EPC1: variants seen among roughly 807,000 people sequenced by gnomAD.
EPC1 encodes enhancer of polycomb homolog 1.
A neutral mutation model predicts 98.4 loss-of-function variants in EPC1; 12 were observed. That is an observed-to-expected ratio of 0.12 (90% CI 0.08 to 0.20). The LOEUF (loss-of-function observed/expected upper bound fraction) is 0.20. Ranked by LOEUF, EPC1 falls within the 10% of genes least tolerant of loss-of-function variation. The pLI is 1.00. For missense variants in EPC1, 729 were observed against 990.5 expected, an observed-to-expected ratio of 0.74 and a Z score of 3.54; for synonymous variants, 357 against 363.9, an observed-to-expected ratio of 0.98 and a Z score of 0.21.
chr10:32,334,808 A>G (rs1312462424), intron 1 of EPC1, among the ~76,000 whole-genome samples: 3 of 152,156 alleles, frequency 2.0e-5, no homozygotes, highest in East Asian at 1.9e-4. Context: ...TTTTTAATTA[A>G]TATCAACAGC....
intron 11 of EPC1, chr10:32,272,957 A>C (rs1835910473): frequency 2.8e-6 from 4 of 1,427,948 alleles, no homozygotes; most frequent in African/African-American, 2.8e-5. Context: ...CATTTAACTA[A>C]GTGCTTTAGT....
At chr10:32,290,505 A>AAAAAAAAAAAGAAAG (rs1554819136) in intron 6 of EPC1, among the ~76,000 whole-genome samples, 10 of 77,476 alleles carry the variant, frequency 1.3e-4, no homozygotes, top group African/African-American at 5.5e-4. Flanking sequence ...AAAAAAAAAA[A>AAAAAAAAAAAGAAAG]AAAGAAAGAA....
chr10:32,298,383 C>T (rs1410400489), intron 2 of EPC1, among the ~76,000 whole-genome samples: 2 of 152,120 alleles, frequency 1.3e-5, no homozygotes, highest in Admixed American at 1.3e-4. Flanking sequence ...TGAAACAGCA[C>T]ACAATGTGGA....
At chr10:32,279,165 T>C (rs917343605) in intron 10 of EPC1, among the ~76,000 whole-genome samples, 1 of 151,968 alleles carries the variant, frequency 6.6e-6, no homozygotes, top group Non-Finnish European at 1.5e-5. Context: ...CTGGCCAATA[T>C]GGTGAAACCC....
chr10:32,294,931 C>T (rs1214427372), intron 2 of EPC1, among the ~76,000 whole-genome samples: 2 of 152,056 alleles, frequency 1.3e-5, no homozygotes, highest in Admixed American at 6.6e-5. Flanking sequence ...CAGGCCTTTA[C>T]AAAAATCCCT....
At chr10:32,292,361 AC>A (rs1227026683) in intron 5 of EPC1, 134 bp downstream of exon 5, 8 of 600,744 alleles carry the variant, frequency 1.3e-5, no homozygotes, top group African/African-American at 9.7e-5. Flanking sequence ...AAAGTATCAT[AC>A]CACATATTTA....
intron 10 of EPC1, among the ~76,000 whole-genome samples, chr10:32,275,714 G>A (rs1456498642): frequency 6.6e-6 from 1 of 151,940 alleles, no homozygotes; most frequent in Middle Eastern, 3.2e-3. Context: ...GGCGAAGCTT[G>A]CAGTGAGCCG....
At chr10:32,344,907 T>C (rs1217943961) in intron 1 of EPC1, among the ~76,000 whole-genome samples, 3 of 152,208 alleles carry the variant, frequency 2.0e-5, no homozygotes, top group African/African-American at 7.2e-5. Flanking sequence ...CTTGGGACTG[T>C]CCAAAGTATT....
chr10:32,358,599 C>G (rs1462105526), intron 1 of EPC1, among the ~76,000 whole-genome samples: 1 of 137,914 alleles, frequency 7.3e-6, no homozygotes, highest in Non-Finnish European at 1.5e-5. Flanking sequence ...GGACTGTGAT[C>G]GCGTCACTGC....
At chr10:32,343,713 CT>C (rs1428819967) in intron 1 of EPC1, among the ~76,000 whole-genome samples, 2 of 143,926 alleles carry the variant, frequency 1.4e-5, no homozygotes, top group African/African-American at 5.3e-5. Flanking sequence ...GGTGTAAGGG[CT>C]TCTACTTAAA....
At chr10:32,350,059 G>C (rs1370850792), upstream of EPC1, among the ~76,000 whole-genome samples, 2 of 152,122 alleles carry the variant, frequency 1.3e-5, no homozygotes, top group Non-Finnish European at 2.9e-5. Flanking sequence ...ATTCTTTTCT[G>C]TTCTCAACTT....
intron 1 of EPC1, among the ~76,000 whole-genome samples, chr10:32,330,262 A>G (rs188098542): frequency 2.8e-4 from 43 of 152,334 alleles, no homozygotes; most frequent in African/African-American, 9.9e-4. Context: ...AATACCTTGA[A>G]TTATGGAAGT....
intron 2 of EPC1, among the ~76,000 whole-genome samples, chr10:32,296,667 G>C (rs1271703295): frequency 6.6e-6 from 1 of 152,132 alleles, no homozygotes; most frequent in African/African-American, 2.4e-5. Context: ...CCAGCACTTT[G>C]GGAGGCCAAG....
At chr10:32,280,320 T>C (rs1836339316) in intron 10 of EPC1, among the ~76,000 whole-genome samples, 1 of 150,930 alleles carries the variant, frequency 6.6e-6, no homozygotes. Flanking sequence ...GGTGTGGTGG[T>C]GCGCACCTGT....
rs987266281 is a variant in EPC1 at position 32,268,566 on chromosome 10, G to A, written c.*497C>T. 2 of 150,854 alleles carry A rather than the reference G, an allele frequency of 1.3e-5. No individual in the cohort carries two copies. The highest frequency in any genetic ancestry group is 2.9e-5 in the Non-Finnish European group (2 of 67,950). The allele number at this position is 150,854 out of a possible 1,614,324, so 9.3% of individuals were successfully genotyped here. A position where few individuals can be genotyped will look rare whatever the true frequency, so the allele number is the denominator to read the frequency against. On this transcript the variant is annotated 3_prime_UTR_variant, in exon 14 of 14. Coordinates refer to ENST00000319778, the MANE Select transcript of EPC1 (RefSeq NM_001272004.3). ...GTTATACCATTTACAAAATACCAAG[G>A]AGTCCACAGCTACCTAACACATTTA...
chr10:32,349,482 C>T (rs531929609), upstream of EPC1, among the ~76,000 whole-genome samples: 5 of 152,250 alleles, frequency 3.3e-5, no homozygotes, highest in African/African-American at 1.2e-4. Flanking sequence ...TTCCTTTATC[C>T]GTCTCCTCAA....
chr10:32,312,781 T>C (rs116277164), intron 1 of EPC1, among the ~76,000 whole-genome samples: 67 of 152,282 alleles, frequency 4.4e-4, no homozygotes, highest in African/African-American at 1.5e-3. Context: ...CTCAAAGCTA[T>C]ATACACTATT....
chr10:32,283,625 A>G (rs1372264295), intron 10 of EPC1: 1 of 152,212 alleles, frequency 6.6e-6, no homozygotes, highest in Non-Finnish European at 1.5e-5. Context: ...ATTTCTTAAT[A>G]ACATGTTCTT....
chr10:32,329,021 T>C (rs1386413148), intron 1 of EPC1, among the ~76,000 whole-genome samples: 1 of 152,242 alleles, frequency 6.6e-6, no homozygotes, highest in Non-Finnish European at 1.5e-5. Flanking sequence ...GGAGTGTATT[T>C]TCTCTGTGAG....
Sources: gnomAD v4.1 joint callset for allele counts (sites outside exome capture counted in the v4.1 genomes callset) on GRCh38, gnomAD v4.1.1 for gene constraint, MANE v1.5 for transcripts, NCBI Gene and HGNC (gene_info 2026-07-23, HGNC 2026-07-21) for gene names.